The following GRTP1 variants were observed in gnomAD, a reference collection of about 807,000 sequenced individuals.
The protein encoded by GRTP1 is growth hormone regulated TBC protein 1, also known as growth hormone-regulated TBC protein 1.
Under a neutral mutation model 38.1 loss-of-function variants are expected in GRTP1, and 56 were observed. The ratio of observed to expected loss-of-function variants is 1.47; its 90% CI spans 1.19 to 1.84. The LOEUF (loss-of-function observed/expected upper bound fraction) is 1.84, where lower values mean the gene tolerates loss of function less well. Among genes scored for constraint, GRTP1 ranks in the 40% most tolerant of loss-of-function variants. The pLI, the probability that GRTP1 is intolerant of heterozygous loss-of-function variation, is 0.00. For missense variants in GRTP1, 506 were observed against 453.9 expected (o/e 1.11, Z -1.04); for synonymous variants, 217 against 189.5 (o/e 1.14, Z -1.19).
At chr13:113,331,941 C>T (rs1010620690) in intron 5 of GRTP1, among the ~76,000 whole-genome samples, 1 of 150,640 alleles carries the variant, frequency 6.6e-6, no homozygotes, top group South Asian at 2.1e-4. Flanking sequence ...ACAGGCGTGA[C>T]CCACCATGCC....
chr13:113,326,540 G>A (rs1279742249), intron 5 of GRTP1, among the ~76,000 whole-genome samples: 1 of 151,986 alleles, frequency 6.6e-6, no homozygotes, highest in Non-Finnish European at 1.5e-5. Flanking sequence ...GTGTGGTGGT[G>A]GGCACCTGTA....
intron 4 of GRTP1, 49 bp downstream of exon 4, chr13:113,350,800 G>C: frequency 6.6e-7 from 1 of 1,516,380 alleles, no homozygotes; most frequent in Non-Finnish European, 8.9e-7. Flanking sequence ...GCTGTGGACA[G>C]ACCTGTCCTC....
In GRTP1 at chr13:113,324,500, CA is replaced by C. The variant is rs770442636; in HGVS notation, c.998del (p.Leu333ArgfsTer17). 2.5e-6 allele frequency: 4 copies of C among 1,609,782 alleles called. No individual in the cohort carries two copies. The highest frequency in any genetic ancestry group is 3.4e-5 in the Admixed American group (2 of 59,536). On this transcript the variant is annotated frameshift_variant, in exon 8 of 8. Coordinates refer to ENST00000375431, the MANE Select transcript of GRTP1 (RefSeq NM_024719.4). LOFTEE classifies it high-confidence loss of function. ...KLRESCRARLLAQG is the reference protein window; with the variant it reads ...KLRESCRARLXAQG ...GGGACAGGCACGCTCACCCCTGTGCCAGCAGCCGGGCCCTGCAGCTCTCGCG... is the reference window on the plus strand; with the variant it reads ...GGGACAGGCACGCTCACCCCTGTGCCGCAGCCGGGCCCTGCAGCTCTCGCG...
At chr13:113,362,577 A>C (rs577393630) in intron 2 of GRTP1, among the ~76,000 whole-genome samples, 26 of 152,322 alleles carry the variant, frequency 1.7e-4, no homozygotes, top group Non-Finnish European at 3.2e-4. Context: ...TCAAGGCTAC[A>C]GTGAGTGGTG....
chr13:113,357,443 A>AAAAAC (rs1303326499), intron 2 of GRTP1, among the ~76,000 whole-genome samples: 10 of 148,866 alleles, frequency 6.7e-5, no homozygotes, highest in Non-Finnish European at 1.5e-4. Flanking sequence ...CACTGCCTCA[A>AAAAAC]AAAAAAAAAA....
intron 5 of GRTP1, among the ~76,000 whole-genome samples, chr13:113,328,209 C>G (rs1299143175): frequency 6.6e-6 from 1 of 152,202 alleles, no homozygotes; most frequent in Non-Finnish European, 1.5e-5. Flanking sequence ...ATCCACGCCT[C>G]TGCAAACCAC....
At position 113,363,821 on chromosome 13, in the gene GRTP1, CG is replaced by C; in HGVS notation, c.121del (p.Arg41AlafsTer21). 1.9e-6 allele frequency: 3 copies of C among 1,611,800 alleles called. No individual in the cohort carries two copies. The highest frequency in any genetic ancestry group is 2.5e-6 in the Non-Finnish European group (3 of 1,179,524). ...FFSSYLVTLT[R>X]RAIKWSRLLQ... ...CAGCCGGGACCATTTGATCGCCCTG[CG>C]GGTGAGCGTGACCAGGTAGCTGGAG... is the stretch of plus-strand genomic sequence containing the variant. On this transcript the variant is annotated frameshift_variant, in exon 2 of 8. Coordinates refer to ENST00000375431, the MANE Select transcript of GRTP1 (RefSeq NM_024719.4). LOFTEE classifies it high-confidence loss of function.
At chr13:113,325,204 C>T in intron 7 of GRTP1, 1 of 1,112,566 alleles carries the variant, frequency 9.0e-7, no homozygotes, top group South Asian at 3.7e-5. Flanking sequence ...CCCAGAGTGG[C>T]CCCGAGCCTC....
chr13:113,354,531 AT>A lies in GRTP1; in HGVS notation c.340+791del, dbSNP rs554052131. ...ATCTATTCAATTTAGGTTAACCAAT[AT>A]TTTTTTTTTTTTTGAGATGGAGTTT... On this transcript the variant is annotated intron_variant, in intron 3 of 7. Transcript: ENST00000375431. Among the ~76,000 whole-genome samples, 814 of 150,026 alleles carry A rather than the reference AT, an allele frequency of 5.4e-3. 8 individuals carry two copies. The highest frequency in any genetic ancestry group is 0.019 in the African/African-American group (789 of 41,084).
chr13:113,355,344 GC>G lies in GRTP1; in HGVS notation c.318del (p.Arg106SerfsTer10), dbSNP rs1447944739. On this transcript the variant is annotated frameshift_variant, in exon 3 of 8. Coordinates refer to ENST00000375431, the MANE Select transcript of GRTP1 (RefSeq NM_024719.4). LOFTEE classifies it high-confidence loss of function. ...HQLLQGERNP[R>X]LEDAIRTDLN... ...TCACCTGTCCTGATGGCGTCCTCCA[GC>G]CTGGGGTTTCTCTCTCCCTGGAGAA... 1 of 1,613,994 alleles carries G rather than the reference GC, an allele frequency of 6.2e-7. No individual in the cohort carries two copies. Among genetic ancestry groups the G allele is most frequent in the Non-Finnish European group, 8.5e-7 (1 of 1,180,004 alleles).
At chr13:113,358,244 T>C (rs1239031278) in intron 2 of GRTP1, among the ~76,000 whole-genome samples, 1 of 151,994 alleles carries the variant, frequency 6.6e-6, no homozygotes, top group Admixed American at 6.6e-5. Context: ...TAACAAGAAA[T>C]AAAAGGAGAA....
Position 113,349,883 on chromosome 13 carries a change from G to A in GRTP1, c.465+966C>T, listed in dbSNP as rs978058717. 1.0e-4 allele frequency among the ~76,000 whole-genome samples: 15 copies of A among 150,686 alleles called. No homozygotes were observed. Among genetic ancestry groups the A allele is most frequent in the African/African-American group, 3.4e-4 (14 of 40,864 alleles). ...GGGCATCACTGGGACTGCTAGGTTCGAACCACCCATCGCGACGATGTCCTT... is the reference window on the plus strand; with the variant it reads ...GGGCATCACTGGGACTGCTAGGTTCAAACCACCCATCGCGACGATGTCCTT... On this transcript the variant is annotated intron_variant, in intron 4 of 7. Transcript: ENST00000375431. This position sits in a 1 kb window ranked among gnomAD's most constrained non-coding sequence, Gnocchi z 5.0.
chr13:113,333,874 T>TGTGC (rs33972835), intron 5 of GRTP1, among the ~76,000 whole-genome samples: 32,195 of 134,968 alleles, frequency 0.24, 4,593 homozygotes, highest in Non-Finnish European at 0.27. Flanking sequence ...TGTGTGTGTG[T>TGTGC]CCGAGGCTGG....
chr13:113,347,292 C>CCG (rs2043164454), intron 4 of GRTP1, among the ~76,000 whole-genome samples: 7 of 67,604 alleles, frequency 1.0e-4, no homozygotes, highest in East Asian at 3.6e-4. Flanking sequence ...ACCTCTGTGG[C>CCG]TGAGCGGATC....
chr13:113,324,711 G>A (rs2042733682), intron 7 of GRTP1, 134 bp from the exon 8 acceptor site: 3 of 1,439,434 alleles, frequency 2.1e-6, no homozygotes, highest in East Asian at 2.6e-5. Flanking sequence ...GGCTTCTGGG[G>A]TGACCCACAG....
intron 5 of GRTP1, among the ~76,000 whole-genome samples, chr13:113,344,123 G>A (rs1451367675): frequency 1.3e-5 from 2 of 152,136 alleles, no homozygotes; most frequent in East Asian, 1.9e-4. Flanking sequence ...TATATATAGC[G>A]CAATTATTAT....
intron 4 of GRTP1, among the ~76,000 whole-genome samples, chr13:113,350,019 C>T (rs1008020696): frequency 1.6e-4 from 24 of 152,122 alleles, no homozygotes; most frequent in Non-Finnish European, 3.1e-4. Flanking sequence ...GCCGTGGGCT[C>T]CAGGCTCTCA....
At position 113,326,080 on chromosome 13, in the gene GRTP1, G is replaced by A; in HGVS notation, c.574C>T (p.Pro192Ser). ...TCGGTCTTCAGGCCCAGCATGGCCG[G>A]GCTGTAGTAATCTGCCAGGCAATGT... Reference protein sequence around the residue: ...VGRILPDYYSPAMLGLKTDQE... With the variant: ...VGRILPDYYSSAMLGLKTDQE... The change falls in exon 6 of 8, where the codon CCG becomes TCG. Residue 192 changes from proline (P) to serine (S), a missense_variant. Physicochemically the swap from Pro to Ser is moderately conservative, Grantham distance 74. Transcript: ENST00000375431. The A allele has an allele frequency of 6.2e-7, 1 of 1,609,296 alleles. No homozygotes were observed. The highest frequency in any genetic ancestry group is 8.5e-7 in the Non-Finnish European group (1 of 1,179,958).
At chr13:113,326,232 A>G in intron 5 of GRTP1, 141 bp from the exon 6 acceptor site, 1 of 1,003,202 alleles carries the variant, frequency 1.0e-6, no homozygotes, top group East Asian at 2.6e-5. Flanking sequence ...GGAGAGGAAG[A>G]GTCGGGGTGA....
Sources: gnomAD v4.1 joint callset for allele counts (sites outside exome capture counted in the v4.1 genomes callset) on GRCh38, gnomAD v4.1.1 for gene constraint, Gnocchi (gnomAD v3.1) non-coding constraint, MANE v1.5 for transcripts, NCBI Gene and HGNC (gene_info 2026-07-23, HGNC 2026-07-21) for gene names.